The following CTNNA1 variants were observed in gnomAD, a reference collection of about 807,000 sequenced individuals.
CTNNA1 encodes the protein catenin alpha-1.
Under a neutral mutation model 98.4 loss-of-function variants are expected in CTNNA1, and 37 were observed. The observed-to-expected ratio is 0.38, with a 90% confidence interval of 0.29 to 0.49. The LOEUF is 0.49. Ranked by LOEUF, CTNNA1 falls within the 20% of genes least tolerant of loss-of-function variation. The pLI is 0.95. For missense variants in CTNNA1, 761 were observed against 1,147.2 expected (o/e 0.66, Z 4.86); for synonymous variants, 404 against 413.2 (o/e 0.98, Z 0.27).
intron 3 of CTNNA1, among the ~76,000 whole-genome samples, chr5:138,792,856 C>T (rs3804205): frequency 0.036 from 5,478 of 152,250 alleles, 266 homozygotes; most frequent in African/African-American, 0.11. Context: ...CAGATTAGTA[C>T]AATAACTTTA....
At chr5:138,818,145 T>C (rs1759629933) in intron 5 of CTNNA1, among the ~76,000 whole-genome samples, 1 of 151,280 alleles carries the variant, frequency 6.6e-6, no homozygotes, top group Non-Finnish European at 1.5e-5. Flanking sequence ...TTTTTTTTTT[T>C]TTCAGACAGG....
intron 7 of CTNNA1, chr5:138,872,859 TA>T: frequency 1.9e-6 from 1 of 526,754 alleles, no homozygotes; most frequent in Non-Finnish European, 3.3e-6. Flanking sequence ...TTTAAAAAAT[TA>T]AAAATACTTC....
intron 3 of CTNNA1, among the ~76,000 whole-genome samples, chr5:138,806,005 T>G (rs1758046542): frequency 6.6e-6 from 1 of 152,176 alleles, no homozygotes; most frequent in South Asian, 2.1e-4. Flanking sequence ...AGTGTTATCT[T>G]CTAAGTGTTT....
At chr5:138,886,613 A>G (rs1305335468) in intron 8 of CTNNA1, among the ~76,000 whole-genome samples, 1 of 152,160 alleles carries the variant, frequency 6.6e-6, no homozygotes, top group African/African-American at 2.4e-5. Flanking sequence ...TGTATTGACT[A>G]TGTACAATAG....
intron 3 of CTNNA1, among the ~76,000 whole-genome samples, chr5:138,803,569 C>T (rs1757787836): frequency 1.3e-5 from 2 of 152,178 alleles, no homozygotes; most frequent in South Asian, 2.1e-4. Context: ...CTTGTGCTAG[C>T]CACATTGGCT....
At chr5:138,906,778 AC>A (rs1580713664) in intron 10 of CTNNA1, among the ~76,000 whole-genome samples, 1 of 152,302 alleles carries the variant, frequency 6.6e-6, no homozygotes, top group South Asian at 2.1e-4. Context: ...CCTGAAAAAA[AC>A]CATGTTTTTT....
intron 5 of CTNNA1, among the ~76,000 whole-genome samples, chr5:138,819,954 C>G (rs1314320710): frequency 6.6e-6 from 1 of 151,996 alleles, no homozygotes; most frequent in Non-Finnish European, 1.5e-5. Flanking sequence ...TCTCTTCCTC[C>G]TGCTCTCGCC....
chr5:138,888,377 CAAGTT>C (rs1754555070), intron 9 of CTNNA1, among the ~76,000 whole-genome samples: 1 of 152,088 alleles, frequency 6.6e-6, no homozygotes, highest in African/African-American at 2.4e-5. Context: ...AGCATATATT[CAAGTT>C]ATTTGATTTT....
rs533481714 is a variant in CTNNA1, at chr5:138,913,913, T to C, written c.1390-3829T>C. 1.1e-4 allele frequency among the ~76,000 whole-genome samples: 16 copies of C among 152,310 alleles called. No homozygotes were observed. In the East Asian group the frequency reaches 2.9e-3, roughly 28 times the overall value. ...TTACTCAGGCTGGAGTGCAGTGGCA[T>C]GATCATGGCTTACTGCAGCCTTGGC... On this transcript the variant is annotated intron_variant, in intron 10 of 17. Transcript: ENST00000302763.
chr5:138,834,589 A>T (rs1477685862), intron 7 of CTNNA1, among the ~76,000 whole-genome samples: 2 of 152,214 alleles, frequency 1.3e-5, no homozygotes, highest in Non-Finnish European at 2.9e-5. Flanking sequence ...TTACCATTGT[A>T]CATCGTCCCA....
At chr5:138,856,206 A>G (rs1370700966) in intron 7 of CTNNA1, among the ~76,000 whole-genome samples, 2 of 152,238 alleles carry the variant, frequency 1.3e-5, no homozygotes, top group East Asian at 3.8e-4. Flanking sequence ...GAGATTTCCA[A>G]CAGTGAAGCC....
rs200734505 is a variant in CTNNA1 at position 138,815,716 on chromosome 5, C to T, written c.588+3414C>T. 5.9e-5 allele frequency among the ~76,000 whole-genome samples: 9 copies of T among 151,786 alleles called. No individual in the cohort carries two copies. In the East Asian group the frequency reaches 1.2e-3, roughly 20 times the overall value. On this transcript the variant is annotated intron_variant, in intron 5 of 17. Coordinates refer to ENST00000302763, the MANE Select transcript of CTNNA1 (RefSeq NM_001903.5). ...TTTTCTGCCAGAATTTTGAATGATACGTATTCGCATTTTCTTGGGTTTATA... is the reference window on the plus strand; with the variant it reads ...TTTTCTGCCAGAATTTTGAATGATATGTATTCGCATTTTCTTGGGTTTATA...
At chr5:138,770,183 G>A (rs1411972885) in intron 1 of CTNNA1, among the ~76,000 whole-genome samples, 2 of 152,038 alleles carry the variant, frequency 1.3e-5, no homozygotes, top group Non-Finnish European at 2.9e-5. Context: ...AAGTCAGTTC[G>A]GTCCAATTGT....
chr5:138,903,529 G>T (rs1758543114), intron 9 of CTNNA1, among the ~76,000 whole-genome samples: 1 of 152,194 alleles, frequency 6.6e-6, no homozygotes, highest in African/African-American at 2.4e-5. Flanking sequence ...ATGGATAAGT[G>T]ATCACAGCCT....
intron 10 of CTNNA1, among the ~76,000 whole-genome samples, chr5:138,908,038 T>C (rs1189063088): frequency 6.6e-6 from 1 of 151,368 alleles, no homozygotes. Context: ...AGTGCAGTGG[T>C]GCAATCTCGG....
At chr5:138,755,827 G>A (rs1751574462) in intron 1 of CTNNA1, among the ~76,000 whole-genome samples, 1 of 149,248 alleles carries the variant, frequency 6.7e-6, no homozygotes, top group Non-Finnish European at 1.5e-5. Context: ...TGCCCTGCCC[G>A]GGTTTTGGGA....
chr5:138,907,924 G>A (rs74652325), intron 10 of CTNNA1, among the ~76,000 whole-genome samples: 1,664 of 151,930 alleles, frequency 0.011, 25 homozygotes, highest in African/African-American at 0.038. Flanking sequence ...GAAATGACAG[G>A]TGGGACCATT....
At chr5:138,779,871 A>G (rs1754855779) in intron 1 of CTNNA1, among the ~76,000 whole-genome samples, 1 of 151,696 alleles carries the variant, frequency 6.6e-6, no homozygotes, top group South Asian at 2.1e-4. Flanking sequence ...GTGTACCACC[A>G]CACTGGACTA....
chr5:138,905,999 A>C (rs1759168619), intron 10 of CTNNA1, among the ~76,000 whole-genome samples: 1 of 152,116 alleles, frequency 6.6e-6, no homozygotes, highest in South Asian at 2.1e-4. Flanking sequence ...CAATTTTAAA[A>C]TATTCTGTGA....
Sources: gnomAD v4.1 joint callset for allele counts (sites outside exome capture counted in the v4.1 genomes callset) on GRCh38, gnomAD v4.1.1 for gene constraint, MANE v1.5 for transcripts, NCBI Gene and HGNC (gene_info 2026-07-23, HGNC 2026-07-21) for gene names.